Variants in HAUS6 observed in about 807,000 individuals in gnomAD.
The protein encoded by HAUS6 is HAUS augmin-like complex subunit 6.
Under a neutral mutation model 106.8 loss-of-function variants are expected in HAUS6, and 80 were observed. The ratio of observed to expected loss-of-function variants is 0.75; its 90% CI spans 0.63 to 0.90. The LOEUF (loss-of-function observed/expected upper bound fraction) is 0.90. Ranked by LOEUF, HAUS6 falls within the 40% of genes least tolerant of loss-of-function variation. The pLI is 0.00. For missense variants in HAUS6, 1,155 were observed against 1,118.1 expected, an observed-to-expected ratio of 1.03 and a Z score of -0.47; for synonymous variants, 356 against 379.1, an observed-to-expected ratio of 0.94 and a Z score of 0.71.
chr9:19,073,803 A>C (rs1836928843), intron 11 of HAUS6: 1 of 152,204 alleles, frequency 6.6e-6, no homozygotes, highest in Non-Finnish European at 1.5e-5. Context: ...CTCATTTATC[A>C]AACAATGCAG....
chr9:19,087,339 G>A (rs1564018054), intron 5 of HAUS6, among the ~76,000 whole-genome samples, 183 bp from the exon 6 acceptor site: 1 of 152,082 alleles, frequency 6.6e-6, no homozygotes, highest in Non-Finnish European at 1.5e-5. Context: ...CTATTGAGAT[G>A]GACCTAGGAC....
At chr9:19,081,276 G>C (rs184579710) in intron 8 of HAUS6, among the ~76,000 whole-genome samples, 81 of 152,168 alleles carry the variant, frequency 5.3e-4, no homozygotes, top group African/African-American at 1.9e-3. Context: ...AATAAAGATT[G>C]AGCAGAAACA....
chr9:19,080,047 G>A (rs1407542824), intron 9 of HAUS6, among the ~76,000 whole-genome samples: 3 of 151,740 alleles, frequency 2.0e-5, no homozygotes, highest in African/African-American at 7.3e-5. Context: ...GGTGGCACAT[G>A]CCTGTAATCG....
At chr9:19,061,775 C>T (rs919154095) in intron 14 of HAUS6, among the ~76,000 whole-genome samples, 1 of 152,182 alleles carries the variant, frequency 6.6e-6, no homozygotes, top group African/African-American at 2.4e-5. Context: ...TTCGAAGTTA[C>T]AGTGAGCTAT....
intron 1 of HAUS6, among the ~76,000 whole-genome samples, chr9:19,098,590 GC>G (rs1817913045): frequency 6.6e-6 from 1 of 152,008 alleles, no homozygotes; most frequent in Non-Finnish European, 1.5e-5. Flanking sequence ...TTTAGTTCAG[GC>G]CTAAATAATT....
chr9:19,091,613 G>A (rs570501451), intron 4 of HAUS6, among the ~76,000 whole-genome samples: 3 of 151,804 alleles, frequency 2.0e-5, no homozygotes, highest in Non-Finnish European at 4.4e-5. Context: ...CCAGGAGTTC[G>A]AATCAAAACC....
chr9:19,063,738 G>A (rs774872156), intron 12 of HAUS6, 158 bp from the exon 13 acceptor site: 1 of 760,984 alleles, frequency 1.3e-6, no homozygotes, highest in Non-Finnish European at 2.5e-6. Context: ...AGGGAGGCAT[G>A]GTGACAAGTA....
chr9:19,062,913 G>T, intron 14 of HAUS6, 95 bp downstream of exon 14: 2 of 918,416 alleles, frequency 2.2e-6, no homozygotes, highest in Non-Finnish European at 1.7e-6. Flanking sequence ...TGTTCCTCTT[G>T]CCGAAACCTC....
intron 1 of HAUS6, among the ~76,000 whole-genome samples, chr9:19,099,000 A>G (rs1474412781): frequency 6.8e-6 from 1 of 146,400 alleles, no homozygotes; most frequent in Non-Finnish European, 1.5e-5. Flanking sequence ...CTGGGCAACA[A>G]GAGCAAAACT....
At chr9:19,092,706 C>G (rs1021132167) in intron 4 of HAUS6, among the ~76,000 whole-genome samples, 5 of 147,216 alleles carry the variant, frequency 3.4e-5, no homozygotes, top group African/African-American at 5.0e-5. Flanking sequence ...GGCAGATAAT[C>G]TGAGGTCAGG....
At chr9:19,088,893 A>G (rs1038852157) in intron 5 of HAUS6, among the ~76,000 whole-genome samples, 2 of 151,508 alleles carry the variant, frequency 1.3e-5, no homozygotes, top group South Asian at 2.1e-4. Flanking sequence ...AAATAAATAA[A>G]TAAGTAAAGT....
At position 19,076,594 on chromosome 9, in the gene HAUS6, T is replaced by A. The variant is rs760220549; in HGVS notation, c.1294+8A>T. The A allele has an allele frequency of 7.3e-7, 1 of 1,362,530 alleles. No homozygotes were observed. The allele number at this position is 1,362,530 out of a possible 1,614,324, so 84.4% of individuals were successfully genotyped here. A position where few individuals can be genotyped will look rare whatever the true frequency, so the allele number is the denominator to read the frequency against. ...TTTCAAAGAGAAAAAAATAAATAAA[T>A]AACCAACCTGGAAGTGAAGCAGGAT... is the stretch of plus-strand genomic sequence containing the variant. On this transcript the variant is annotated splice_region_variant and intron_variant, in intron 11 of 16. Coordinates refer to ENST00000380502, the MANE Select transcript of HAUS6 (RefSeq NM_017645.5).
At position 19,089,422 on chromosome 9, in the gene HAUS6, C is replaced by T. The variant is rs766466607; in HGVS notation, c.574G>A (p.Glu192Lys). 4 of 1,605,684 alleles carry T rather than the reference C, an allele frequency of 2.5e-6. No individual in the cohort carries two copies. The highest frequency in any genetic ancestry group is 3.4e-6 in the Non-Finnish European group (4 of 1,172,422). The change falls in exon 5 of 17, where the codon GAA becomes AAA. Residue 192 changes from glutamate (E) to lysine (K), a missense_variant. Coordinates refer to ENST00000380502, the MANE Select transcript of HAUS6 (RefSeq NM_017645.5). ...CAAGGTACTACTTACTGTGCATTTTCCTGATATTTTTGGGTAACACAATCT... is the reference window on the plus strand; with the variant it reads ...CAAGGTACTACTTACTGTGCATTTTTCTGATATTTTTGGGTAACACAATCT... ...RQDCVTQKYQ[E>K]NAQLSVKQVR...
chr9:19,102,569 G>A lies in HAUS6; in HGVS notation c.83C>T (p.Ala28Val), dbSNP rs143432534. Residue 28 changes from alanine to valine, a missense_variant, in exon 1 of 17, where the codon GCA becomes GTA. Physicochemically the swap from Ala to Val is moderately conservative, Grantham distance 64 (BLOSUM62 0). This residue lies in a region of HAUS6 where 761 missense variants were observed against 690.0 expected (regional missense o/e 1.10). Transcript: ENST00000380502. The part of the protein sequence containing the change: ...LQALGFEPGP[A>V]TIACGKIVSH... ...CACGATCTTTCCGCAGGCAATGGTTGCCGGGCCTGGCTCGAAGCCGAGCGC... is the reference window on the plus strand; with the variant it reads ...CACGATCTTTCCGCAGGCAATGGTTACCGGGCCTGGCTCGAAGCCGAGCGC... 18 of 1,613,756 alleles carry A rather than the reference G, an allele frequency of 1.1e-5. No individual in the cohort carries two copies. The highest frequency in any genetic ancestry group is 1.2e-5 in the Non-Finnish European group (14 of 1,179,896).
chr9:19,054,996 GAGA>G lies in HAUS6; in HGVS notation c.*1344_*1346del, dbSNP rs1189989850. 7.2e-5 allele frequency: 11 copies of G among 151,924 alleles called. No individual in the cohort carries two copies. Among genetic ancestry groups the G allele is most frequent in the African/African-American group, 2.2e-4 (9 of 41,208 alleles). The allele number at this position is 151,924 out of a possible 1,614,324, so 9.4% of individuals were successfully genotyped here. On this transcript the variant is annotated 3_prime_UTR_variant, in exon 17 of 17. Transcript: ENST00000380502. The stretch of plus-strand genomic sequence containing the variant: ...CTAATAAAAGAAAACAGCAACTTAG[GAGA>G]AGATTTTTTCTTTCTCCTTTTCCAT...
At chr9:19,064,152 A>G (rs1217040660) in intron 12 of HAUS6, among the ~76,000 whole-genome samples, 3 of 152,042 alleles carry the variant, frequency 2.0e-5, no homozygotes, top group Non-Finnish European at 2.9e-5. Flanking sequence ...TTTTTAGTAG[A>G]GATGGGCTTT....
intron 4 of HAUS6, chr9:19,089,837 T>G (rs1360162808): frequency 2.5e-6 from 1 of 399,334 alleles, no homozygotes; most frequent in East Asian, 5.0e-5. Context: ...TTTGGTATTT[T>G]GGGTTGTTTT....
At chr9:19,082,791 G>A (rs1468315613) in intron 8 of HAUS6, 82 bp downstream of exon 8, 4 of 739,016 alleles carry the variant, frequency 5.4e-6, no homozygotes, top group Non-Finnish European at 8.1e-6. Flanking sequence ...AACAAATTCT[G>A]AAAGCAGAAG....
rs188334553 is a variant in HAUS6 at position 19,085,908 on chromosome 9, G to A, written c.699+826C>T. Among the ~76,000 whole-genome samples the A allele has an allele frequency of 1.1e-4, 17 of 151,708 alleles. No homozygotes were observed. In the East Asian group the frequency reaches 3.3e-3, roughly 29 times the overall value. ...CCCTTTTGAATATAATTAAGCTTAT[G>A]AACTATAAGTTCATTTTTCCATTAT... On this transcript the variant is annotated intron_variant, in intron 7 of 16. Transcript: ENST00000380502.
Sources: gnomAD v4.1 joint callset for allele counts (sites outside exome capture counted in the v4.1 genomes callset) on GRCh38, gnomAD v4.1.1 for gene constraint, gnomAD v4.1.1 regional missense constraint, MANE v1.5 for transcripts, NCBI Gene and HGNC (gene_info 2026-07-23, HGNC 2026-07-21) for gene names.